Variants in CHD4 observed in about 807,000 individuals in gnomAD.
CHD4 encodes ATP-dependent chromatin remodeler CHD4.
In CHD4, 35 loss-of-function variants were observed where a neutral mutation model predicts 235.5. The ratio of observed to expected loss-of-function variants is 0.15; its 90% CI spans 0.11 to 0.20. The LOEUF is 0.20. CHD4 is among the 10% of genes least tolerant of loss of function. The probability of loss-of-function intolerance (pLI) is 1.00; values close to 1 mark genes in which losing one functional copy is unlikely to be tolerated. For synonymous variants in CHD4, 900 were observed against 850.2 expected (o/e 1.06, Z -1.02); for missense variants, 1,329 against 2,432.3 (o/e 0.55, Z 9.54).
intron 12 of CHD4, among the ~76,000 whole-genome samples, chr12:6,597,288 A>T (rs1361063786): frequency 6.6e-6 from 1 of 151,384 alleles, no homozygotes; most frequent in Non-Finnish European, 1.5e-5. Context: ...CAATAATAAT[A>T]AAATAAATAA....
chr12:6,582,561 G>C, intron 29 of CHD4, 54 bp downstream of exon 29: 1 of 1,557,224 alleles, frequency 6.4e-7, no homozygotes, highest in Non-Finnish European at 8.7e-7. Flanking sequence ...GGAATGACCA[G>C]ATAGATAGCA....
intron 12 of CHD4, among the ~76,000 whole-genome samples, chr12:6,597,104 C>A (rs1412243120): frequency 2.2e-5 from 3 of 135,352 alleles, no homozygotes; most frequent in Non-Finnish European, 3.1e-5. Flanking sequence ...CCCGTCTCTA[C>A]TAAAAATACA....
chr12:6,579,292 G>T, intron 33 of CHD4: 1 of 270,692 alleles, frequency 3.7e-6, no homozygotes. Flanking sequence ...TCTACTAAAA[G>T]TACAAAAATT....
intron 25 of CHD4, 90 bp from the exon 26 acceptor site, chr12:6,583,468 C>T: frequency 8.9e-7 from 1 of 1,122,854 alleles, no homozygotes; most frequent in Non-Finnish European, 1.3e-6. Context: ...CTGCTAGCTC[C>T]TTTTCATGAC....
At chr12:6,603,665 C>CCTAA (rs1193223426) in intron 2 of CHD4, among the ~76,000 whole-genome samples, 1 of 152,056 alleles carries the variant, frequency 6.6e-6, no homozygotes, top group African/African-American at 2.4e-5. Context: ...AAGAGCCCAC[C>CCTAA]CTAACATCCT....
chr12:6,584,500 G>A (rs1402439276), intron 25 of CHD4: 1 of 152,026 alleles, frequency 6.6e-6, no homozygotes, highest in Non-Finnish European at 1.5e-5. Context: ...CCAAGTTTAA[G>A]CAATCCTCCC....
chr12:6,587,987 T>C (rs1948328046), intron 23 of CHD4, 38 bp from the exon 24 acceptor site: 1 of 1,579,880 alleles, frequency 6.3e-7, no homozygotes, highest in South Asian at 1.1e-5. Context: ...AAATTGTATT[T>C]TCCTGGTGCC....
chr12:6,591,833 C>T lies in CHD4; in HGVS notation c.3091-8G>A. On this transcript the variant is annotated splice_region_variant and splice_polypyrimidine_tract_variant and intron_variant, in intron 20 of 39. Transcript: ENST00000544040. Reference sequence around the variant, plus strand: ...AGGCATCTTAGGAGCTTCCTGAGAACAAATGCAAAGAAAAAAGTATTAAAA... The same window carrying T: ...AGGCATCTTAGGAGCTTCCTGAGAATAAATGCAAAGAAAAAAGTATTAAAA... 2 of 1,613,906 alleles carry T rather than the reference C, an allele frequency of 1.2e-6. No individual in the cohort carries two copies. Among genetic ancestry groups the T allele is most frequent in the Non-Finnish European group, 1.7e-6 (2 of 1,179,956 alleles).
At chr12:6,573,377 T>C in intron 37 of CHD4, 108 bp from the exon 38 acceptor site, 2 of 891,942 alleles carry the variant, frequency 2.2e-6, no homozygotes, top group Non-Finnish European at 3.2e-6. Context: ...AATAAGAACC[T>C]ATGAAGAACT....
intron 2 of CHD4, among the ~76,000 whole-genome samples, chr12:6,603,431 G>T (rs925594795): frequency 1.3e-5 from 2 of 152,086 alleles, no homozygotes; most frequent in Non-Finnish European, 2.9e-5. Flanking sequence ...GTGGAGAGAA[G>T]AAGGGAGTGC....
At chr12:6,588,114 C>G (rs542056149) in intron 23 of CHD4, among the ~76,000 whole-genome samples, 165 bp from the exon 24 acceptor site, 75 of 152,338 alleles carry the variant, frequency 4.9e-4, no homozygotes, top group African/African-American at 1.8e-3. Flanking sequence ...CCTCTATTAT[C>G]ATGTTACCCA....
In CHD4 at chr12:6,602,253, G is replaced by A. The variant is rs1407597516; in HGVS notation, c.223-78C>T. 4.4e-6 allele frequency: 7 copies of A among 1,596,896 alleles called. No homozygotes were observed. The East Asian group carries it at 1.3e-4, about 31-fold the overall frequency. On this transcript the variant is annotated intron_variant, in intron 3 of 39. Coordinates refer to ENST00000544040, the MANE Select transcript of CHD4 (RefSeq NM_001273.5). ...ATGCTGACCTCAGGACAGCCCTGAGGCTCATCCCCAGAACATGGCCCACCA... is the reference window on the plus strand; with the variant it reads ...ATGCTGACCTCAGGACAGCCCTGAGACTCATCCCCAGAACATGGCCCACCA...
chr12:6,597,428 T>C (rs1451946868), intron 12 of CHD4, among the ~76,000 whole-genome samples: 4 of 152,108 alleles, frequency 2.6e-5, no homozygotes, highest in African/African-American at 7.2e-5. Flanking sequence ...ATCACGACAC[T>C]GCACTCAAGC....
chr12:6,598,700 T>C (rs1357337149), intron 10 of CHD4, among the ~76,000 whole-genome samples: 3 of 152,188 alleles, frequency 2.0e-5, no homozygotes, highest in Non-Finnish European at 2.9e-5. Context: ...TCCCAGCTAC[T>C]TGGGAGTCTG....
Position 6,587,953 on chromosome 12 carries a change from G to T in CHD4, c.3466-4C>A. 1 of 1,611,558 alleles carries T rather than the reference G, an allele frequency of 6.2e-7. No homozygotes were observed. Among genetic ancestry groups the T allele is most frequent in the South Asian group, 1.1e-5 (1 of 91,044 alleles). On this transcript the variant is annotated splice_region_variant and splice_polypyrimidine_tract_variant and intron_variant, in intron 23 of 39. Transcript: ENST00000544040. ...TCCGGTGAGCTCTGCTAAAGGCCTG[G>T]AGTTGAACAGGAAATAAAGCCAGAA...
At position 6,593,633 on chromosome 12, in the gene CHD4, G is replaced by A; in HGVS notation, c.2314-17C>T. On this transcript the variant is annotated splice_polypyrimidine_tract_variant and intron_variant, in intron 15 of 39. Transcript: ENST00000544040. The surrounding 1 kb of genome is among the most constrained non-coding windows in gnomAD (Gnocchi z 4.9). ...GGAATGACCCTTTGAGAAAAAAGAG[G>A]AGAGTCAGGACTGAGGGCCCCAGCA... The A allele has an allele frequency of 6.2e-7, 1 of 1,613,124 alleles. No homozygotes were observed. The highest frequency in any genetic ancestry group is 8.5e-7 in the Non-Finnish European group (1 of 1,179,506).
rs143540075 is a variant in CHD4, at chr12:6,572,763, T to C, written c.5557+311A>G. On this transcript the variant is annotated intron_variant, in intron 38 of 39. Transcript: ENST00000544040. ...TTTTAGTAGAGACGGGGTTTCACCA[T>C]GTTGGCCAGGCTGGTCTCGAACTCC... Among the ~76,000 whole-genome samples the C allele has an allele frequency of 2.0e-4, 31 of 152,286 alleles. 1 individual carries two copies. The highest frequency in any genetic ancestry group is 7.2e-4 in the African/African-American group (30 of 41,568).
chr12:6,593,067 C>CA lies in CHD4; in HGVS notation c.2652+23dup. 1.2e-6 allele frequency: 2 copies of CA among 1,611,596 alleles called. No homozygotes were observed. The highest frequency in any genetic ancestry group is 8.5e-7 in the Non-Finnish European group (1 of 1,179,028). On this transcript the variant is annotated intron_variant, in intron 17 of 39. Coordinates refer to ENST00000544040, the MANE Select transcript of CHD4 (RefSeq NM_001273.5). This position sits in a 1 kb window ranked among gnomAD's most constrained non-coding sequence, Gnocchi z 4.9. ...TAGAAAAAACCCAAAGTGGGGGCTC[C>CA]AACATCCCTCCCTCAGCCCTCACCT...
chr12:6,578,201 G>C, intron 35 of CHD4, 64 bp from the exon 36 acceptor site: 2 of 1,471,006 alleles, frequency 1.4e-6, no homozygotes, highest in Non-Finnish European at 1.9e-6. Flanking sequence ...AATTGAAAAA[G>C]CTACTTATTC....
Sources: gnomAD v4.1 joint callset for allele counts (sites outside exome capture counted in the v4.1 genomes callset) on GRCh38, gnomAD v4.1.1 for gene constraint, Gnocchi (gnomAD v3.1) non-coding constraint, MANE v1.5 for transcripts, NCBI Gene and HGNC (gene_info 2026-07-23, HGNC 2026-07-21) for gene names.